Variants in SEMA3A observed in about 807,000 individuals in gnomAD.
SEMA3A encodes semaphorin-3A.
Under a neutral mutation model 97.9 loss-of-function variants are expected in SEMA3A, and 29 were observed. The ratio of observed to expected loss-of-function variants is 0.30; its 90% confidence interval spans 0.22 to 0.40. The LOEUF is 0.40. Ranked by LOEUF, SEMA3A falls within the 10% of genes least tolerant of loss-of-function variation. The pLI is 1.00. For synonymous variants in SEMA3A, 321 were observed against 323.7 expected (o/e 0.99, Z 0.09); for missense variants, 763 against 951.3 (o/e 0.80, Z 2.60).
chr7:84,206,399 T>G (rs1451101453), intron 3 of SEMA3A, among the ~76,000 whole-genome samples: 1 of 149,956 alleles, frequency 6.7e-6, no homozygotes. Context: ...CTTGGCTCAC[T>G]GCAAGCTCCG....
rs568779734 is a variant in SEMA3A, at chr7:84,446,391, C to G, written c.-246+46069G>C. Among the ~76,000 whole-genome samples, 9 of 152,104 alleles carry G rather than the reference C, an allele frequency of 5.9e-5. 1 individual carries two copies. The highest frequency in any genetic ancestry group is 1.3e-4 in the Non-Finnish European group (9 of 68,012). On this transcript the variant is annotated intron_variant, in intron 1 of 3. Coordinates refer to the SEMA3A transcript ENST00000424555. ...CTACAAGAAAACTAAAAACTAATGTCCCTGATGAATACTGATGCAAACATT... is the reference window on the plus strand; with the variant it reads ...CTACAAGAAAACTAAAAACTAATGTGCCTGATGAATACTGATGCAAACATT...
Position 84,194,685 on chromosome 7 carries a change from A to AT in SEMA3A, c.-100dup. 1 of 733,558 alleles carries AT rather than the reference A, an allele frequency of 1.4e-6. No homozygotes were observed. Among genetic ancestry groups the AT allele is most frequent in the East Asian group, 2.5e-5 (1 of 39,514 alleles). 45.4% of individuals were successfully genotyped at this position (733,558 alleles called of 1,614,324 possible). A position where few individuals can be genotyped will look rare whatever the true frequency, so the allele number is the denominator to read the frequency against. Reference sequence around the variant, plus strand: ...ATCTGGAAACTGGAGGTAACAGGTGATTTAGGTCAGTTTCATTCATAAATG... The same window carrying AT: ...ATCTGGAAACTGGAGGTAACAGGTGATTTTAGGTCAGTTTCATTCATAAATG... On this transcript the variant is annotated 5_prime_UTR_variant, in exon 1 of 17. The change creates a premature stop within an existing upstream ORF in the 5' untranslated region. Transcript: ENST00000265362.
chr7:84,330,113 G>T (rs897768752), intron 2 of SEMA3A, among the ~76,000 whole-genome samples: 1 of 151,910 alleles, frequency 6.6e-6, no homozygotes, highest in Non-Finnish European at 1.5e-5. Context: ...TAAAAGCAAG[G>T]CCAGTTATGT....
intron 12 of SEMA3A, among the ~76,000 whole-genome samples, chr7:83,988,951 C>G (rs537708936): frequency 6.6e-5 from 10 of 150,946 alleles, no homozygotes; most frequent in Non-Finnish European, 1.3e-4. Context: ...TCCGCACCCC[C>G]CCGATATTCA....
chr7:84,122,034 C>T (rs1795633367), intron 3 of SEMA3A, among the ~76,000 whole-genome samples: 1 of 150,470 alleles, frequency 6.6e-6, no homozygotes, highest in African/African-American at 2.5e-5. Context: ...TGGGTATATA[C>T]CCAGTAATGA....
At chr7:84,262,196 A>G (rs1349999338) in intron 3 of SEMA3A, among the ~76,000 whole-genome samples, 2 of 151,702 alleles carry the variant, frequency 1.3e-5, no homozygotes, top group African/African-American at 4.8e-5. Flanking sequence ...ACTTGCCTCT[A>G]TTTTCAAGGT....
At chr7:84,483,981 T>C (rs1260733599) in intron 1 of SEMA3A, among the ~76,000 whole-genome samples, 1 of 150,972 alleles carries the variant, frequency 6.6e-6, no homozygotes, top group Non-Finnish European at 1.5e-5. Flanking sequence ...GAGGCGGAGG[T>C]TGCAGCGAGC....
At chr7:84,238,118 G>A (rs567401434) in intron 3 of SEMA3A, among the ~76,000 whole-genome samples, 4 of 151,938 alleles carry the variant, frequency 2.6e-5, no homozygotes, top group African/African-American at 9.6e-5. Flanking sequence ...CACCCAGACT[G>A]GAGTGCAGTG....
At chr7:84,208,600 G>A (rs1162206845) in intron 3 of SEMA3A, among the ~76,000 whole-genome samples, 1 of 152,144 alleles carries the variant, frequency 6.6e-6, no homozygotes, top group Non-Finnish European at 1.5e-5. Context: ...ATGGATAAAA[G>A]ATAATTACTG....
intron 5 of SEMA3A, among the ~76,000 whole-genome samples, chr7:84,055,412 C>G (rs185337050): frequency 1.3e-5 from 2 of 152,156 alleles, no homozygotes; most frequent in Non-Finnish European, 1.5e-5. Flanking sequence ...CCTGGTGCGC[C>G]GTTTTTTAAG....
At chr7:84,359,854 G>T (rs200481496) in intron 2 of SEMA3A, among the ~76,000 whole-genome samples, 1 of 151,898 alleles carries the variant, frequency 6.6e-6, no homozygotes, top group East Asian at 1.9e-4. Flanking sequence ...ACTTCTTTCT[G>T]GTTTAGTCTT....
intron 4 of SEMA3A, among the ~76,000 whole-genome samples, chr7:84,104,479 G>A (rs904810216): frequency 2.6e-5 from 4 of 152,070 alleles, no homozygotes; most frequent in Admixed American, 6.6e-5. Flanking sequence ...GAACATACAA[G>A]AGGTACAGGA....
intron 13 of SEMA3A, among the ~76,000 whole-genome samples, chr7:83,981,748 A>G (rs1032213642): frequency 3.9e-5 from 6 of 152,142 alleles, no homozygotes; most frequent in African/African-American, 1.2e-4. Context: ...ACACCAACCA[A>G]TGTAATGTTC....
chr7:84,440,733 A>G (rs566974488), intron 1 of SEMA3A, among the ~76,000 whole-genome samples: 1 of 152,200 alleles, frequency 6.6e-6, no homozygotes, highest in South Asian at 2.1e-4. Context: ...AGAAAGAAAC[A>G]AACAACAAAA....
At chr7:83,985,516 T>C (rs774231595) in intron 12 of SEMA3A, 39 bp from the exon 13 acceptor site, 1 of 1,543,444 alleles carries the variant, frequency 6.5e-7, no homozygotes, top group Admixed American at 1.7e-5. Flanking sequence ...GTTTGGTCAA[T>C]TAGAACAGCC....
chr7:84,295,577 T>G (rs1271532081), intron 3 of SEMA3A, among the ~76,000 whole-genome samples: 3 of 152,016 alleles, frequency 2.0e-5, no homozygotes, highest in Non-Finnish European at 4.4e-5. Context: ...TTTTCTCAAT[T>G]CTTTCGTCCT....
At chr7:84,152,979 G>A (rs560445354) in intron 1 of SEMA3A, among the ~76,000 whole-genome samples, 4 of 151,860 alleles carry the variant, frequency 2.6e-5, no homozygotes, top group Non-Finnish European at 5.9e-5. Context: ...TACTCAAGGT[G>A]GAAAAATGAC....
chr7:84,453,520 G>A (rs1343162395), intron 1 of SEMA3A, among the ~76,000 whole-genome samples: 2 of 152,130 alleles, frequency 1.3e-5, no homozygotes, highest in African/African-American at 4.8e-5. Flanking sequence ...ACAGGCGTGA[G>A]CCACCGCGCC....
intron 3 of SEMA3A, among the ~76,000 whole-genome samples, chr7:84,299,692 A>G (rs1231358370): frequency 6.6e-6 from 1 of 151,854 alleles, no homozygotes; most frequent in Non-Finnish European, 1.5e-5. Flanking sequence ...CTTGGAGGAA[A>G]TAATGAGGAA....
Sources: allele counts gnomAD v4.1 joint callset (sites outside exome capture counted in the v4.1 genomes callset), GRCh38; gene constraint gnomAD v4.1.1; transcripts MANE v1.5; gene names NCBI Gene and HGNC (gene_info 2026-07-23, HGNC 2026-07-21).